Variants in ZEB1 observed in about 807,000 individuals in gnomAD.
The protein encoded by ZEB1 is zinc finger E-box binding homeobox 1, also known as zinc finger E-box-binding homeobox 1.
A neutral mutation model predicts 84.9 loss-of-function variants in ZEB1; 21 were observed. That is an observed-to-expected ratio of 0.25 (90% CI 0.18 to 0.36). The LOEUF is 0.36. Among genes scored for constraint, ZEB1 ranks in the 10% least tolerant of loss-of-function variants. The pLI is 1.00. For missense variants in ZEB1, 1,104 were observed against 1,330.2 expected (o/e 0.83, Z 2.65); for synonymous variants, 420 against 471.1 (o/e 0.89, Z 1.41).
intron 1 of ZEB1, among the ~76,000 whole-genome samples, chr10:31,331,731 CA>C (rs1452929722): frequency 1.3e-5 from 2 of 152,042 alleles, no homozygotes; most frequent in African/African-American, 4.8e-5. Flanking sequence ...ATATTCCATA[CA>C]GGGGGAATAT....
In ZEB1 at chr10:31,528,314, C is replaced by T. The variant is rs2073810757; in HGVS notation, c.*1050C>T. The stretch of plus-strand genomic sequence containing the variant: ...ACTGGGACATTTCATCCTTCAATTC[C>T]TCGGTATTGATTTTATGTTGATTGA... On this transcript the variant is annotated 3_prime_UTR_variant, in exon 9 of 9. Coordinates refer to ENST00000424869, the MANE Select transcript of ZEB1 (RefSeq NM_001174096.2). The T allele has an allele frequency of 6.6e-6, 1 of 152,138 alleles. No homozygotes were observed. 9.4% of individuals were successfully genotyped at this position (152,138 alleles called of 1,614,324 possible).
chr10:31,390,350 G>T (rs2049405175), intron 1 of ZEB1, among the ~76,000 whole-genome samples: 1 of 152,092 alleles, frequency 6.6e-6, no homozygotes, highest in Non-Finnish European at 1.5e-5. Flanking sequence ...CCAAAAATCA[G>T]CCTGTAAACT....
chr10:31,491,998 G>A (rs891747576), intron 2 of ZEB1, among the ~76,000 whole-genome samples: 3 of 151,902 alleles, frequency 2.0e-5, no homozygotes, highest in African/African-American at 2.4e-5. Flanking sequence ...GTTGGCATTC[G>A]CTTTTTTGAT....
intron 1 of ZEB1, chr10:31,320,200 C>T (rs549539489): frequency 4.6e-5 from 7 of 152,122 alleles, no homozygotes; most frequent in Non-Finnish European, 7.4e-5. Context: ...GGGAACAAGG[C>T]AGGAAAGGTA....
chr10:31,484,977 C>G (rs1344363857), intron 2 of ZEB1, among the ~76,000 whole-genome samples: 2 of 151,834 alleles, frequency 1.3e-5, no homozygotes, highest in African/African-American at 4.8e-5. Flanking sequence ...AACCTTTGTT[C>G]TTTGATGTTA....
At chr10:31,367,158 A>C (rs2044679480) in intron 1 of ZEB1, among the ~76,000 whole-genome samples, 1 of 152,164 alleles carries the variant, frequency 6.6e-6, no homozygotes, top group South Asian at 2.1e-4. Context: ...ATTTTAGAGG[A>C]GGAAGTAAAG....
At chr10:31,509,967 A>G (rs1440749725) in intron 4 of ZEB1, among the ~76,000 whole-genome samples, 1 of 152,192 alleles carries the variant, frequency 6.6e-6, no homozygotes, top group Non-Finnish European at 1.5e-5. Context: ...ATTCATACAT[A>G]TACAGTTATA....
At chr10:31,501,880 T>C (rs781671499) in intron 3 of ZEB1, among the ~76,000 whole-genome samples, 1 of 152,196 alleles carries the variant, frequency 6.6e-6, no homozygotes, top group East Asian at 1.9e-4. Context: ...TGATTTCATA[T>C]TGCAGTTGAC....
At chr10:31,326,837 C>T (rs1227308702) in intron 1 of ZEB1, among the ~76,000 whole-genome samples, 1 of 152,158 alleles carries the variant, frequency 6.6e-6, no homozygotes, top group Non-Finnish European at 1.5e-5. Flanking sequence ...AGTTATATCA[C>T]TTAAAATATT....
chr10:31,362,825 C>G, intron 1 of ZEB1: 1 of 940,968 alleles, frequency 1.1e-6, no homozygotes, highest in Non-Finnish European at 1.6e-6. Flanking sequence ...CCACGCCTGC[C>G]CTGCCGTGTC....
Position 31,432,893 on chromosome 10 carries a change from G to C in ZEB1, c.59-28144G>C, listed in dbSNP as rs887192883. Among the ~76,000 whole-genome samples, 3 of 152,010 alleles carry C rather than the reference G, an allele frequency of 2.0e-5. No individual in the cohort carries two copies. In the East Asian group the frequency reaches 5.8e-4, roughly 29 times the overall value. The stretch of plus-strand genomic sequence containing the variant: ...TGTTTACAAATCTCTTTAATGTGTG[G>C]GTTAATAGAAGGCAGTTGAATTCTC... On this transcript the variant is annotated intron_variant, in intron 1 of 8. Coordinates refer to ENST00000424869, the MANE Select transcript of ZEB1 (RefSeq NM_001174096.2).
chr10:31,388,199 A>G (rs2048984659), intron 1 of ZEB1, among the ~76,000 whole-genome samples: 1 of 152,170 alleles, frequency 6.6e-6, no homozygotes. Flanking sequence ...AAGAGACTAA[A>G]TGTCTAGTAA....
chr10:31,468,509 G>C (rs1452586372), intron 2 of ZEB1, among the ~76,000 whole-genome samples: 14 of 152,148 alleles, frequency 9.2e-5, no homozygotes, highest in Non-Finnish European at 1.8e-4. Context: ...CTGCTGACAA[G>C]TACACAGCTC....
intron 2 of ZEB1, among the ~76,000 whole-genome samples, chr10:31,485,750 G>C (rs2065654881): frequency 2.0e-5 from 3 of 150,722 alleles, no homozygotes; most frequent in Admixed American, 1.3e-4. Flanking sequence ...AAATTGACTT[G>C]ATATTCATTT....
chr10:31,451,633 G>T (rs1011835072), intron 1 of ZEB1, among the ~76,000 whole-genome samples: 1 of 152,202 alleles, frequency 6.6e-6, no homozygotes, highest in African/African-American at 2.4e-5. Flanking sequence ...AACACAAAAA[G>T]GAATCATCTT....
At chr10:31,319,344 C>A in intron 1 of ZEB1, 52 bp downstream of exon 1, 1 of 1,571,004 alleles carries the variant, frequency 6.4e-7, no homozygotes, top group Non-Finnish European at 8.6e-7. Flanking sequence ...AGCTGGGCAG[C>A]CGGGGCGCCC....
chr10:31,391,229 GTT>G (rs1434181337), intron 1 of ZEB1, among the ~76,000 whole-genome samples: 5 of 119,838 alleles, frequency 4.2e-5, no homozygotes, highest in East Asian at 2.6e-4. Flanking sequence ...CCACAGGTAA[GTT>G]TGTGTGTGTG....
chr10:31,526,453 C>G (rs1179417267), intron 8 of ZEB1, among the ~76,000 whole-genome samples: 2 of 152,190 alleles, frequency 1.3e-5, no homozygotes, highest in African/African-American at 4.8e-5. Flanking sequence ...TCCCATTGAC[C>G]TAATCATCTG....
At chr10:31,320,337 A>G (rs1009676263) in intron 1 of ZEB1, 3 of 152,078 alleles carry the variant, frequency 2.0e-5, no homozygotes, top group Admixed American at 1.3e-4. Flanking sequence ...GGGGCAGACG[A>G]GGTCTCTGCG....
Sources: allele counts gnomAD v4.1 joint callset (sites outside exome capture counted in the v4.1 genomes callset), GRCh38; gene constraint gnomAD v4.1.1; transcripts MANE v1.5; gene names NCBI Gene and HGNC (gene_info 2026-07-23, HGNC 2026-07-21).